Variants in CSMD3 observed in about 807,000 individuals in gnomAD.
CSMD3 encodes CUB and Sushi multiple domains 3.
Under a neutral mutation model 435.2 loss-of-function variants are expected in CSMD3, and 177 were observed. The observed-to-expected ratio is 0.41, with a 90% CI of 0.36 to 0.46. CSMD3 has a LOEUF of 0.46. Among genes scored for constraint, CSMD3 ranks in the 20% least tolerant of loss-of-function variants. The pLI, the probability that CSMD3 is intolerant of heterozygous loss-of-function variation, is 0.34. For synonymous variants in CSMD3, 1,656 were observed against 1,520.5 expected (o/e 1.09, Z -2.07); for missense variants, 4,265 against 4,504.6 (o/e 0.95, Z 1.52).
At chr8:112,689,263 T>G (rs1346409674) in intron 14 of CSMD3, among the ~76,000 whole-genome samples, 1 of 152,080 alleles carries the variant, frequency 6.6e-6, no homozygotes, top group Non-Finnish European at 1.5e-5. Context: ...CAGCATTTAA[T>G]TGAGCACACC....
At chr8:112,860,066 T>C (rs1046676257) in intron 10 of CSMD3, among the ~76,000 whole-genome samples, 4 of 151,832 alleles carry the variant, frequency 2.6e-5, no homozygotes, top group African/African-American at 9.7e-5. Context: ...TGTACATAGT[T>C]ATCATCATCA....
chr8:112,746,408 T>G (rs2077426444), intron 13 of CSMD3, among the ~76,000 whole-genome samples: 1 of 152,120 alleles, frequency 6.6e-6, no homozygotes, highest in African/African-American at 2.4e-5. Flanking sequence ...TCTACCTTCT[T>G]GATTGTGATA....
intron 9 of CSMD3, among the ~76,000 whole-genome samples, chr8:112,922,092 T>C (rs1156414977): frequency 2.6e-5 from 4 of 152,084 alleles, no homozygotes; most frequent in Non-Finnish European, 1.5e-5. Flanking sequence ...TATTTACATG[T>C]GTATGTTTGC....
chr8:112,765,749 C>A (rs897685305), intron 13 of CSMD3, among the ~76,000 whole-genome samples: 3 of 151,698 alleles, frequency 2.0e-5, no homozygotes, highest in Admixed American at 2.0e-4. Context: ...TTCAAGCCAG[C>A]TCCTTTCTTT....
At chr8:112,300,660 T>C (rs1206178466) in intron 53 of CSMD3, among the ~76,000 whole-genome samples, 6 of 152,092 alleles carry the variant, frequency 3.9e-5, no homozygotes, top group Non-Finnish European at 7.4e-5. Flanking sequence ...GGTCCATTAA[T>C]GACCCCAGAG....
intron 6 of CSMD3, among the ~76,000 whole-genome samples, chr8:113,002,999 G>A (rs894923425): frequency 6.6e-6 from 1 of 152,038 alleles, no homozygotes; most frequent in African/African-American, 2.4e-5. Flanking sequence ...CAGCACTTTG[G>A]GAGACTGAGG....
At chr8:112,768,691 C>A (rs1269266336) in intron 13 of CSMD3, among the ~76,000 whole-genome samples, 2 of 151,852 alleles carry the variant, frequency 1.3e-5, no homozygotes, top group Non-Finnish European at 2.9e-5. Context: ...TGAGAACTTG[C>A]TGAATATCTT....
chr8:112,803,849 G>A (rs1383927699), intron 12 of CSMD3, among the ~76,000 whole-genome samples: 5 of 152,136 alleles, frequency 3.3e-5, no homozygotes, highest in African/African-American at 1.2e-4. Context: ...TCAGTTTACA[G>A]TCCCGGGCAT....
At chr8:112,368,706 A>T (rs1828026219) in intron 38 of CSMD3, among the ~76,000 whole-genome samples, 2 of 152,168 alleles carry the variant, frequency 1.3e-5, no homozygotes, top group Non-Finnish European at 2.9e-5. Flanking sequence ...GGAGGAGGTT[A>T]TAAGTAGGGA....
chr8:112,759,315 T>C (rs377255015), intron 13 of CSMD3, among the ~76,000 whole-genome samples: 1 of 152,114 alleles, frequency 6.6e-6, no homozygotes, highest in Non-Finnish European at 1.5e-5. Context: ...CTCTGTACTA[T>C]AGAAGAGTTA....
intron 47 of CSMD3, among the ~76,000 whole-genome samples, chr8:112,314,936 G>A (rs759663349): frequency 2.8e-4 from 43 of 151,486 alleles, no homozygotes; most frequent in Non-Finnish European, 5.2e-4. Context: ...CTAATCTTTT[G>A]TTCTCCCACC....
intron 3 of CSMD3, among the ~76,000 whole-genome samples, chr8:113,274,099 C>CATAAAGTT (rs1366506196): frequency 6.6e-6 from 1 of 151,790 alleles, no homozygotes; most frequent in Admixed American, 6.6e-5. Context: ...CTAAATAAAG[C>CATAAAGTT]ATAAAGTTTT....
At chr8:112,996,508 T>C (rs2085658439) in intron 6 of CSMD3, among the ~76,000 whole-genome samples, 1 of 151,704 alleles carries the variant, frequency 6.6e-6, no homozygotes. Context: ...ACAGGCATTA[T>C]CTCAAACTTA....
chr8:112,504,022 A>G, intron 29 of CSMD3, 45 bp from the exon 30 acceptor site: 7 of 1,233,766 alleles, frequency 5.7e-6, no homozygotes, highest in Non-Finnish European at 8.2e-6. Flanking sequence ...GAGAAGTAGG[A>G]TAATTATTAT....
intron 6 of CSMD3, among the ~76,000 whole-genome samples, chr8:112,990,801 G>A (rs1273226373): frequency 6.6e-6 from 1 of 151,768 alleles, no homozygotes; most frequent in African/African-American, 2.4e-5. Flanking sequence ...AACCCATATG[G>A]ACTTTATAAT....
At chr8:113,426,837 A>C (rs182421839) in intron 1 of CSMD3, among the ~76,000 whole-genome samples, 2 of 151,698 alleles carry the variant, frequency 1.3e-5, no homozygotes, top group African/African-American at 4.8e-5. Context: ...GGAATGAACA[A>C]TTGTAGAAAA....
intron 22 of CSMD3, among the ~76,000 whole-genome samples, chr8:112,597,308 C>T (rs1364767887): frequency 6.6e-6 from 1 of 152,058 alleles, no homozygotes; most frequent in Non-Finnish European, 1.5e-5. Context: ...CCTCCCAAGA[C>T]TAAACCAGGA....
At chr8:112,405,049 T>C (rs1352848647) in intron 35 of CSMD3, among the ~76,000 whole-genome samples, 1 of 149,650 alleles carries the variant, frequency 6.7e-6, no homozygotes, top group East Asian at 2.0e-4. Flanking sequence ...TAGCTGGGCA[T>C]GGTAGTGCAC....
chr8:112,776,931 C>T (rs2132225472), intron 13 of CSMD3, among the ~76,000 whole-genome samples: 1 of 151,754 alleles, frequency 6.6e-6, no homozygotes, highest in Non-Finnish European at 1.5e-5. Context: ...ATTGACCTCC[C>T]AACCTCTGCT....
Sources: allele counts gnomAD v4.1 joint callset (sites outside exome capture counted in the v4.1 genomes callset), GRCh38; gene constraint gnomAD v4.1.1; transcripts MANE v1.5; gene names NCBI Gene and HGNC (gene_info 2026-07-23, HGNC 2026-07-21).